Variants in SLC39A11 observed in about 807,000 individuals in gnomAD.
SLC39A11 encodes the protein solute carrier family 39 member 11.
In SLC39A11, 33 loss-of-function variants were observed where a neutral mutation model predicts 36.1. The observed-to-expected ratio is 0.91, with a 90% CI of 0.69 to 1.22. The LOEUF is 1.22. SLC39A11 is among the 50% of genes most tolerant of loss of function. The pLI is 0.00. For missense variants in SLC39A11, 432 were observed against 430.3 expected (o/e 1.00, Z -0.03); for synonymous variants, 166 against 170.3 (o/e 0.97, Z 0.20).
At chr17:72,922,111 G>A (rs981266032) in intron 5 of SLC39A11, among the ~76,000 whole-genome samples, 3 of 152,074 alleles carry the variant, frequency 2.0e-5, no homozygotes, top group African/African-American at 7.2e-5. Flanking sequence ...CTCCCACATC[G>A]GCAGACCTTA....
chr17:72,990,116 A>G (rs1457835656), intron 4 of SLC39A11, among the ~76,000 whole-genome samples: 2 of 152,250 alleles, frequency 1.3e-5, no homozygotes, highest in African/African-American at 4.8e-5. Flanking sequence ...TGCAAAATTA[A>G]TTAAACAAAA....
chr17:72,874,691 G>A (rs539548479), intron 5 of SLC39A11, among the ~76,000 whole-genome samples: 11 of 152,270 alleles, frequency 7.2e-5, no homozygotes, highest in East Asian at 1.9e-4. Flanking sequence ...AGGAAAGAGC[G>A]AGCCCTGAAA....
At chr17:72,707,314 G>C (rs562331213) in intron 7 of SLC39A11, among the ~76,000 whole-genome samples, 5 of 152,244 alleles carry the variant, frequency 3.3e-5, no homozygotes, top group Admixed American at 2.6e-4. Flanking sequence ...TGAAGTGAGA[G>C]GATCATATGA....
At chr17:73,014,529 T>C (rs958288281) in intron 4 of SLC39A11, among the ~76,000 whole-genome samples, 1 of 152,182 alleles carries the variant, frequency 6.6e-6, no homozygotes, top group African/African-American at 2.4e-5. Flanking sequence ...CATGTTAACA[T>C]GAGCTGTATC....
intron 4 of SLC39A11, among the ~76,000 whole-genome samples, chr17:72,949,147 T>TTTTTTTTTTTG (rs2085670014): frequency 1.9e-5 from 1 of 53,234 alleles, no homozygotes; most frequent in Non-Finnish European, 3.1e-5. Context: ...TGGGCAGCTT[T>TTTTTTTTTTTG]TTTTTTTTTT....
chr17:72,892,809 A>G (rs2081825325), intron 5 of SLC39A11, among the ~76,000 whole-genome samples: 1 of 152,210 alleles, frequency 6.6e-6, no homozygotes, highest in South Asian at 2.1e-4. Context: ...TTCAGATTTG[A>G]CAGCCATTTC....
chr17:72,690,689 C>T (rs1386723488), intron 7 of SLC39A11, among the ~76,000 whole-genome samples: 1 of 152,200 alleles, frequency 6.6e-6, no homozygotes, highest in African/African-American at 2.4e-5. Flanking sequence ...CCTTCAGTGA[C>T]ATCGGAGACA....
At chr17:72,718,573 T>C (rs1258618591) in intron 7 of SLC39A11, among the ~76,000 whole-genome samples, 1 of 152,198 alleles carries the variant, frequency 6.6e-6, no homozygotes, top group African/African-American at 2.4e-5. Flanking sequence ...TTTGAAGACC[T>C]TGGGGTCACA....
intron 5 of SLC39A11, among the ~76,000 whole-genome samples, chr17:72,945,056 G>GATGGATGGATGC: frequency 6.6e-6 from 1 of 152,032 alleles, no homozygotes. Flanking sequence ...TGGATGGATG[G>GATGGATGGATGC]ATGGATGGAT....
At chr17:72,846,444 AT>A (rs2079059975) in intron 6 of SLC39A11, among the ~76,000 whole-genome samples, 1 of 152,236 alleles carries the variant, frequency 6.6e-6, no homozygotes. Context: ...AAGAAGTAAG[AT>A]TTTAATTTAT....
At chr17:72,744,376 G>A (rs2074842209) in intron 6 of SLC39A11, among the ~76,000 whole-genome samples, 1 of 152,148 alleles carries the variant, frequency 6.6e-6, no homozygotes, top group African/African-American at 2.4e-5. Context: ...GATGTCTTCA[G>A]AGGTTGCCAA....
chr17:72,884,079 G>T (rs1023268479), intron 5 of SLC39A11, among the ~76,000 whole-genome samples: 1 of 152,114 alleles, frequency 6.6e-6, no homozygotes, highest in African/African-American at 2.4e-5. Flanking sequence ...TTCTTGAGCT[G>T]GGAGGTCAAA....
At chr17:73,020,611 G>A (rs547883995) in intron 4 of SLC39A11, among the ~76,000 whole-genome samples, 1 of 151,774 alleles carries the variant, frequency 6.6e-6, no homozygotes, top group East Asian at 1.9e-4. Flanking sequence ...TACTGTTCAT[G>A]ACCTCCCCAG....
chr17:73,026,142 G>C (rs756722948), intron 4 of SLC39A11, among the ~76,000 whole-genome samples: 2 of 142,876 alleles, frequency 1.4e-5, no homozygotes, highest in Non-Finnish European at 3.1e-5. Context: ...GAAGAGAAGA[G>C]AAAAGAGAGA....
intron 3 of SLC39A11, among the ~76,000 whole-genome samples, chr17:73,051,318 G>C (rs1338825073): frequency 6.6e-6 from 1 of 152,060 alleles, no homozygotes; most frequent in Non-Finnish European, 1.5e-5. Context: ...ACAGTAACTT[G>C]TTTATATCCA....
intron 3 of SLC39A11, among the ~76,000 whole-genome samples, chr17:73,079,730 G>A (rs894749677): frequency 2.0e-5 from 3 of 152,090 alleles, no homozygotes; most frequent in Admixed American, 1.3e-4. Flanking sequence ...CGATATGATC[G>A]TATACCTAGA....
At chr17:72,668,408 TG>T (rs1430323325) in intron 7 of SLC39A11, among the ~76,000 whole-genome samples, 1 of 151,910 alleles carries the variant, frequency 6.6e-6, no homozygotes. Flanking sequence ...GTCTTCTGGG[TG>T]GGAGGAAGCC....
At chr17:73,076,797 T>C (rs1328522507) in intron 3 of SLC39A11, among the ~76,000 whole-genome samples, 1 of 140,630 alleles carries the variant, frequency 7.1e-6, no homozygotes, top group Middle Eastern at 3.7e-3. Flanking sequence ...GGACTTTCTT[T>C]TTTTCTTTTT....
chr17:72,854,458 G>A (rs541673732), intron 5 of SLC39A11, among the ~76,000 whole-genome samples: 18 of 152,180 alleles, frequency 1.2e-4, no homozygotes, highest in Non-Finnish European at 1.9e-4. Context: ...GAGAAATCTC[G>A]TATCTATAAT....
Sources: allele counts gnomAD v4.1 joint callset (sites outside exome capture counted in the v4.1 genomes callset), GRCh38; gene constraint gnomAD v4.1.1; transcripts MANE v1.5; gene names NCBI Gene and HGNC (gene_info 2026-07-23, HGNC 2026-07-21).